Variants in ZSWIM4 observed in about 807,000 individuals in gnomAD.
ZSWIM4 encodes zinc finger SWIM-type containing 4.
A neutral mutation model predicts 102.5 loss-of-function variants in ZSWIM4; 62 were observed. That is an observed-to-expected ratio of 0.60 (90% CI 0.49 to 0.75). The LOEUF is 0.75. ZSWIM4 is among the 30% of genes least tolerant of loss of function. ZSWIM4 has a pLI of 0.00. For synonymous variants in ZSWIM4, 652 were observed against 674.5 expected (o/e 0.97, Z 0.52); for missense variants, 1,280 against 1,529.6 (o/e 0.84, Z 2.72).
chr19:13,823,516 G>A lies in ZSWIM4; in HGVS notation c.2215+16G>A. The A allele has an allele frequency of 7.7e-6, 12 of 1,555,648 alleles. No individual in the cohort carries two copies. Among genetic ancestry groups the A allele is most frequent in the Non-Finnish European group, 9.6e-6 (11 of 1,148,890 alleles). The stretch of plus-strand genomic sequence containing the variant: ...GCCGCCAAGGGTGAGGCTGGCAGCT[G>A]TCCCGATTCCTTTGTCTTCCTCCTC... On this transcript the variant is annotated intron_variant, in intron 11 of 13. Coordinates refer to ENST00000590508, the MANE Select transcript of ZSWIM4 (RefSeq NM_001367834.3).
Position 13,830,617 on chromosome 19 carries a change from A to AC in ZSWIM4, c.2889dup (p.Val964ArgfsTer202), listed in dbSNP as rs779412171. 9 of 1,600,260 alleles carry AC rather than the reference A, an allele frequency of 5.6e-6. No individual in the cohort carries two copies. The highest frequency in any genetic ancestry group is 6.8e-6 in the Non-Finnish European group (8 of 1,179,792). On this transcript the variant is annotated frameshift_variant, in exon 14 of 14. Coordinates refer to ENST00000590508, the MANE Select transcript of ZSWIM4 (RefSeq NM_001367834.3). LOFTEE classifies it high-confidence loss of function. ...CAGGACAGCCACCCTGCCGTCAACGACGTGCTTTGGGCCTGCTCTCTCAGC... is the reference window on the plus strand; with the variant it reads ...CAGGACAGCCACCCTGCCGTCAACGACCGTGCTTTGGGCCTGCTCTCTCAGC...
chr19:13,804,752 C>T, intron 2 of ZSWIM4, 40 bp from the exon 3 acceptor site: 1 of 1,518,878 alleles, frequency 6.6e-7, no homozygotes, highest in Non-Finnish European at 8.9e-7. Context: ...CCGCCTGTCT[C>T]TGGGATGACA....
chr19:13,828,146 C>T (rs1013670831), intron 12 of ZSWIM4, among the ~76,000 whole-genome samples: 9 of 152,186 alleles, frequency 5.9e-5, no homozygotes, highest in East Asian at 5.8e-4. Context: ...CAGTGGCTCA[C>T]GCCTATAATC....
At chr19:13,813,207 C>T (rs1461219268) in intron 6 of ZSWIM4, 43 bp downstream of exon 6, 2 of 1,508,110 alleles carry the variant, frequency 1.3e-6, no homozygotes, top group South Asian at 2.4e-5. Flanking sequence ...AAAACCATCA[C>T]CACTAACTGT....
rs1975517848 is a variant in ZSWIM4, at chr19:13,823,349, G to T, written c.2064G>T (p.Leu688=). 6.2e-7 allele frequency: 1 copy of T among 1,613,234 alleles called. No individual in the cohort carries two copies. Among genetic ancestry groups the T allele is most frequent in the Non-Finnish European group, 8.5e-7 (1 of 1,179,580 alleles). The part of the protein sequence containing the change: ...AYRLALRAMR[L]PILETAFPAG... ...GCTCACTTCTCCCCTTACCCAGGCT[G>T]CCCATACTGGAGACAGCATTTCCTG... The change falls in exon 11 of 14, where the codon CTG becomes CTT. Residue 688 remains leucine, a synonymous_variant. Transcript: ENST00000590508.
Position 13,831,309 on chromosome 19 carries a change from C to A in ZSWIM4, c.*259C>A. 2.2e-6 allele frequency: 1 copy of A among 450,096 alleles called. No homozygotes were observed. The allele number at this position is 450,096 out of a possible 1,614,324, so 27.9% of individuals were successfully genotyped here. ...GTGTGCTTGGGCTGCTGGTATGACC[C>A]CACTTTGGGCACCCCAAAAGCAATA... On this transcript the variant is annotated 3_prime_UTR_variant, in exon 14 of 14. Transcript: ENST00000590508.
In ZSWIM4 at chr19:13,832,211, C is replaced by T. The variant is rs1216273275; in HGVS notation, c.*1161C>T. On this transcript the variant is annotated 3_prime_UTR_variant, in exon 14 of 14. Coordinates refer to ENST00000590508, the MANE Select transcript of ZSWIM4 (RefSeq NM_001367834.3). ...GTGCATCTCCAGAGCCACTCACACC[C>T]TCAACCTCGTTTCCTCCGCAAAAAA... is the stretch of plus-strand genomic sequence containing the variant. 1 of 131,484 alleles carries T rather than the reference C, an allele frequency of 7.6e-6. No homozygotes were observed. Among genetic ancestry groups the T allele is most frequent in the Admixed American group, 7.9e-5 (1 of 12,650 alleles). 8.1% of individuals were successfully genotyped at this position (131,484 alleles called of 1,614,324 possible).
chr19:13,805,185 C>A, intron 3 of ZSWIM4, 37 bp downstream of exon 3: 1 of 1,531,704 alleles, frequency 6.5e-7, no homozygotes. Flanking sequence ...GGAGAGGATG[C>A]CCAAGCGCAC....
chr19:13,812,247 T>G (rs1975115993), intron 5 of ZSWIM4, among the ~76,000 whole-genome samples: 1 of 152,050 alleles, frequency 6.6e-6, no homozygotes, highest in African/African-American at 2.4e-5. Context: ...CCAAAACACC[T>G]TGAGAGGAGT....
In ZSWIM4 at chr19:13,825,401, A is replaced by G. The variant is rs1206518413; in HGVS notation, c.2216-149A>G. ...AAGGGCTAGGGGCACTGAGGTCTGAATCTTCACAGAACCATGGCCCAGTAC... is the reference window on the plus strand; with the variant it reads ...AAGGGCTAGGGGCACTGAGGTCTGAGTCTTCACAGAACCATGGCCCAGTAC... On this transcript the variant is annotated intron_variant, in intron 11 of 13. Coordinates refer to ENST00000590508, the MANE Select transcript of ZSWIM4 (RefSeq NM_001367834.3). This position sits in a 1 kb window ranked among gnomAD's most constrained non-coding sequence, Gnocchi z 4.6. The G allele has an allele frequency of 3.1e-6, 3 of 968,420 alleles. No individual in the cohort carries two copies. Among genetic ancestry groups the G allele is most frequent in the Non-Finnish European group, 4.6e-6 (3 of 658,370 alleles). The allele number at this position is 968,420 out of a possible 1,614,324, so 60.0% of individuals were successfully genotyped here.
rs1490895324 is a variant in ZSWIM4, at chr19:13,809,439, C to T, written c.1012+219C>T. On this transcript the variant is annotated intron_variant, in intron 5 of 13. Coordinates refer to ENST00000590508, the MANE Select transcript of ZSWIM4 (RefSeq NM_001367834.3). The surrounding 1 kb of genome is among the most constrained non-coding windows in gnomAD (Gnocchi z 4.2). ...GTTCACGTGGATCTGACAGGAGGCA[C>T]AGGCAATCAAATGTCATTGGCCCAG... is the stretch of plus-strand genomic sequence containing the variant. 6.6e-6 allele frequency among the ~76,000 whole-genome samples: 1 copy of T among 152,240 alleles called. No homozygotes were observed. Among genetic ancestry groups the T allele is most frequent in the Non-Finnish European group, 1.5e-5 (1 of 68,030 alleles).
chr19:13,799,034 C>G (rs1336576158), intron 1 of ZSWIM4, among the ~76,000 whole-genome samples: 1 of 152,100 alleles, frequency 6.6e-6, no homozygotes, highest in Non-Finnish European at 1.5e-5. Flanking sequence ...AGTGCACCAA[C>G]TGCCTTGGCC....
Position 13,825,573 on chromosome 19 carries a change from G to A in ZSWIM4, c.2239G>A (p.Val747Ile), listed in dbSNP as rs1975583633. Residue 747 changes from valine (V) to isoleucine (I), a missense_variant, in exon 12 of 14, where the codon GTA (valine) becomes ATA (isoleucine). Val to Ile is a conservative substitution (Grantham distance 29, BLOSUM62 3). Coordinates refer to ENST00000590508, the MANE Select transcript of ZSWIM4 (RefSeq NM_001367834.3). The surrounding 1 kb of genome is among the most constrained non-coding windows in gnomAD (Gnocchi z 4.6). ...AKGDPKWLHT[V>I]LGSIQQNIHS... ...AGGAGACCCCAAGTGGCTGCACACGGTACTGGGCTCCATCCAGCAGAACAT... is the reference window on the plus strand; with the variant it reads ...AGGAGACCCCAAGTGGCTGCACACGATACTGGGCTCCATCCAGCAGAACAT... 19 of 1,614,168 alleles carry A rather than the reference G, an allele frequency of 1.2e-5. No homozygotes were observed. Among genetic ancestry groups the A allele is most frequent in the Non-Finnish European group, 1.4e-5 (17 of 1,180,020 alleles).
intron 9 of ZSWIM4, among the ~76,000 whole-genome samples, chr19:13,819,063 A>C (rs1415197730): frequency 1.4e-5 from 2 of 142,892 alleles, no homozygotes; most frequent in Non-Finnish European, 3.0e-5. Flanking sequence ...ACGGGGTTTC[A>C]CCGTGTTAGC....
At chr19:13,799,987 G>A in intron 2 of ZSWIM4, 66 bp downstream of exon 2, 4 of 1,511,156 alleles carry the variant, frequency 2.6e-6, no homozygotes, top group Non-Finnish European at 3.6e-6. Context: ...GGAAATGGGG[G>A]AGTTGGAGGG....
At chr19:13,813,920 C>CAAA (rs34407290) in intron 6 of ZSWIM4, among the ~76,000 whole-genome samples, 2 of 100,522 alleles carry the variant, frequency 2.0e-5, no homozygotes, top group Non-Finnish European at 4.4e-5. Context: ...GACCCTGTCT[C>CAAA]AAAAAAAAAA....
rs1400414431 is a variant in ZSWIM4 at position 13,820,259 on chromosome 19, AG to A, written c.2060+770del. Among the ~76,000 whole-genome samples, 12 of 151,442 alleles carry A rather than the reference AG, an allele frequency of 7.9e-5. 1 individual carries two copies. The East Asian group carries it at 2.4e-3, about 30-fold the overall frequency. ...TTTTGTGTTTTTTTTGTTTTGAGAC[AG>A]GGTCTGGCTCTGTCACCCAGGCCAG... On this transcript the variant is annotated intron_variant, in intron 10 of 13. Transcript: ENST00000590508.
intron 3 of ZSWIM4, among the ~76,000 whole-genome samples, chr19:13,806,094 G>A (rs935949729): frequency 1.1e-4 from 17 of 150,844 alleles, no homozygotes; most frequent in Admixed American, 1.1e-3. Context: ...CCAAGCTGGA[G>A]TGCAGTGGTG....
intron 9 of ZSWIM4, 118 bp downstream of exon 9, chr19:13,818,094 C>T: frequency 3.6e-6 from 5 of 1,405,012 alleles, no homozygotes; most frequent in Non-Finnish European, 3.7e-6. Context: ...CCTAGCCCCG[C>T]CTCCTGGTGA....
Sources: gnomAD v4.1 joint callset for allele counts (sites outside exome capture counted in the v4.1 genomes callset) on GRCh38, gnomAD v4.1.1 for gene constraint, Gnocchi (gnomAD v3.1) non-coding constraint, MANE v1.5 for transcripts, NCBI Gene and HGNC (gene_info 2026-07-23, HGNC 2026-07-21) for gene names.